The following B3GALT1 variants were observed in gnomAD, a reference collection of about 807,000 sequenced individuals.
B3GALT1 encodes the protein UDP-Gal:betaGlcNAc beta 1,3-galactosyltransferase, polypeptide 1.
A neutral mutation model predicts 23.2 loss-of-function variants in B3GALT1; 10 were observed. The ratio of observed to expected loss-of-function variants is 0.43; its 90% CI spans 0.27 to 0.73. The LOEUF (loss-of-function observed/expected upper bound fraction) is 0.73, where lower values mean the gene tolerates loss of function less well. B3GALT1 is among the 30% of genes least tolerant of loss of function. The pLI, the probability that B3GALT1 is intolerant of heterozygous loss-of-function variation, is 0.21. For synonymous variants in B3GALT1, 156 were observed against 141.5 expected (o/e 1.10, Z -0.73); for missense variants, 299 against 405.4 (o/e 0.74, Z 2.25).
At chr2:167,631,745 C>G (rs1203841400) in intron 2 of B3GALT1, among the ~76,000 whole-genome samples, 1 of 147,168 alleles carries the variant, frequency 6.8e-6, no homozygotes, top group Non-Finnish European at 1.5e-5. Flanking sequence ...CTCTCTCTCT[C>G]TCACCTACCT....
chr2:167,510,139 A>G (rs1699983447), intron 2 of B3GALT1, among the ~76,000 whole-genome samples: 1 of 152,190 alleles, frequency 6.6e-6, no homozygotes, highest in Admixed American at 6.5e-5. Flanking sequence ...TATGGATACA[A>G]GTAGTAGTCA....
chr2:167,647,637 TA>T (rs1685770962), intron 3 of B3GALT1, among the ~76,000 whole-genome samples: 1 of 152,172 alleles, frequency 6.6e-6, no homozygotes, highest in African/African-American at 2.4e-5. Context: ...ATGTCTTCCC[TA>T]AAGGAAATCA....
At chr2:167,634,024 A>G (rs1287317180) in intron 2 of B3GALT1, among the ~76,000 whole-genome samples, 2 of 152,160 alleles carry the variant, frequency 1.3e-5, no homozygotes, top group African/African-American at 4.8e-5. Flanking sequence ...TCAAATTAGA[A>G]CTCAGGATTA....
chr2:167,774,608 C>T (rs560098776), intron 3 of B3GALT1, among the ~76,000 whole-genome samples: 1 of 148,660 alleles, frequency 6.7e-6, no homozygotes, highest in Non-Finnish European at 1.5e-5. Flanking sequence ...AGTGATTCTC[C>T]TGCCTCAGCC....
At chr2:167,520,117 A>T (rs12623916) in intron 2 of B3GALT1, among the ~76,000 whole-genome samples, 56,097 of 151,682 alleles carry the variant, frequency 0.37, 11,330 homozygotes, top group East Asian at 0.81. Flanking sequence ...TACTTTGAAA[A>T]GTTCATGTTA....
chr2:167,839,984 A>G (rs1689600661), intron 4 of B3GALT1, among the ~76,000 whole-genome samples: 1 of 152,150 alleles, frequency 6.6e-6, no homozygotes, highest in Admixed American at 6.5e-5. Context: ...ATATGTAGAA[A>G]GCTGAAACTG....
chr2:167,407,307 A>G (rs969792511), intron 1 of B3GALT1, among the ~76,000 whole-genome samples: 2 of 152,192 alleles, frequency 1.3e-5, no homozygotes, highest in Non-Finnish European at 2.9e-5. Context: ...AAATGGAAAT[A>G]CAACATACTA....
chr2:167,570,443 T>C (rs1270173425), intron 2 of B3GALT1, among the ~76,000 whole-genome samples: 1 of 151,906 alleles, frequency 6.6e-6, no homozygotes, highest in East Asian at 1.9e-4. Context: ...CGTACAGTTG[T>C]TCATGGAATT....
intron 1 of B3GALT1, among the ~76,000 whole-genome samples, chr2:167,353,861 G>C (rs1697358545): frequency 6.6e-6 from 1 of 152,028 alleles, no homozygotes. Context: ...TAATGTTGCT[G>C]TTCTGAATGG....
At chr2:167,775,568 C>CA (rs60193092) in intron 3 of B3GALT1, among the ~76,000 whole-genome samples, 49,813 of 133,680 alleles carry the variant, frequency 0.37, 10,118 homozygotes, top group Non-Finnish European at 0.49. Flanking sequence ...GACGCTGTCT[C>CA]AAAAAAAAAA....
intron 2 of B3GALT1, among the ~76,000 whole-genome samples, chr2:167,597,117 G>GA (rs1367822737): frequency 7.6e-6 from 1 of 131,452 alleles, no homozygotes; most frequent in Non-Finnish European, 1.7e-5. Context: ...TTTTGTTTTT[G>GA]TTTTTTTTTT....
intron 2 of B3GALT1, among the ~76,000 whole-genome samples, chr2:167,540,640 A>G (rs1284568742): frequency 2.0e-5 from 3 of 152,002 alleles, no homozygotes; most frequent in Non-Finnish European, 2.9e-5. Context: ...TCTCTTTTTC[A>G]TTGTTGTTTT....
intron 1 of B3GALT1, among the ~76,000 whole-genome samples, chr2:167,316,330 A>G (rs908745354): frequency 3.3e-5 from 5 of 152,154 alleles, no homozygotes; most frequent in Admixed American, 1.3e-4. Context: ...GCATAGCACA[A>G]TGTTGCTTGG....
chr2:167,592,910 G>C (rs1684708794), intron 2 of B3GALT1, among the ~76,000 whole-genome samples: 1 of 152,094 alleles, frequency 6.6e-6, no homozygotes, highest in African/African-American at 2.4e-5. Flanking sequence ...AAACAAAAAA[G>C]AAAAGAAAAA....
At chr2:167,733,065 C>T (rs1041720721) in intron 3 of B3GALT1, among the ~76,000 whole-genome samples, 1 of 152,148 alleles carries the variant, frequency 6.6e-6, no homozygotes, top group African/African-American at 2.4e-5. Flanking sequence ...TAAATCTAAC[C>T]ATCGGGGGTT....
At chr2:167,816,249 G>A (rs1351873330) in intron 3 of B3GALT1, among the ~76,000 whole-genome samples, 2 of 152,128 alleles carry the variant, frequency 1.3e-5, no homozygotes, top group Non-Finnish European at 2.9e-5. Context: ...TGGCAATTAA[G>A]TATTTTGATT....
At chr2:167,666,069 T>A (rs1686177014) in intron 3 of B3GALT1, among the ~76,000 whole-genome samples, 1 of 151,884 alleles carries the variant, frequency 6.6e-6, no homozygotes, top group African/African-American at 2.4e-5. Context: ...TATTTCCTGC[T>A]TTCTCTTGTG....
At chr2:167,443,459 C>T (rs1698929055) in intron 1 of B3GALT1, among the ~76,000 whole-genome samples, 1 of 152,244 alleles carries the variant, frequency 6.6e-6, no homozygotes, top group South Asian at 2.1e-4. Flanking sequence ...TATAAATTAC[C>T]TTGGGCAGTA....
At chr2:167,347,753 G>A in intron 1 of B3GALT1, among the ~76,000 whole-genome samples, 1 of 151,912 alleles carries the variant, frequency 6.6e-6, no homozygotes. Flanking sequence ...TGCGTTTGTT[G>A]CTTTTCCTTA....
Sources: gnomAD v4.1 joint callset for allele counts (sites outside exome capture counted in the v4.1 genomes callset) on GRCh38, gnomAD v4.1.1 for gene constraint, MANE v1.5 for transcripts, NCBI Gene and HGNC (gene_info 2026-07-23, HGNC 2026-07-21) for gene names.